The following BEST3 variants were observed in gnomAD, a reference collection of about 807,000 sequenced individuals.
The protein encoded by BEST3 is bestrophin-3.
Under a neutral mutation model 47.1 loss-of-function variants are expected in BEST3, and 50 were observed. The observed-to-expected ratio is 1.06, with a 90% CI of 0.85 to 1.34. The LOEUF is 1.34. Ranked by LOEUF, BEST3 falls within the 40% of genes most tolerant of loss-of-function variation. The pLI, the probability that BEST3 is intolerant of heterozygous loss-of-function variation, is 0.00. For synonymous variants in BEST3, 282 were observed against 298.8 expected (o/e 0.94, Z 0.58); for missense variants, 765 against 817.0 (o/e 0.94, Z 0.78).
At chr12:69,666,551 C>A (rs1884233431) in intron 9 of BEST3, among the ~76,000 whole-genome samples, 1 of 152,168 alleles carries the variant, frequency 6.6e-6, no homozygotes, top group Admixed American at 6.5e-5. Context: ...TACTCTGCAT[C>A]TATATTGACC....
At chr12:69,658,681 A>G (rs1333128903) in intron 9 of BEST3, among the ~76,000 whole-genome samples, 4 of 152,254 alleles carry the variant, frequency 2.6e-5, no homozygotes, top group Non-Finnish European at 5.9e-5. Context: ...CTAGGCTTTG[A>G]CACTGAGTGG....
At chr12:69,691,580 G>A (rs1397925976) in intron 4 of BEST3, among the ~76,000 whole-genome samples, 2 of 152,072 alleles carry the variant, frequency 1.3e-5, no homozygotes, top group Non-Finnish European at 2.9e-5. Context: ...GGATCACAAG[G>A]TCAAGAGATT....
intron 9 of BEST3, among the ~76,000 whole-genome samples, chr12:69,668,428 C>T (rs1469521671): frequency 6.6e-6 from 1 of 152,178 alleles, no homozygotes; most frequent in Non-Finnish European, 1.5e-5. Context: ...CACTCTCATG[C>T]AAAGAGCTCA....
At chr12:69,659,773 G>A (rs1022472011) in intron 9 of BEST3, among the ~76,000 whole-genome samples, 3 of 151,940 alleles carry the variant, frequency 2.0e-5, no homozygotes, top group African/African-American at 7.3e-5. Context: ...TCTAGGGTTA[G>A]TACAATCCTG....
At position 69,693,677 on chromosome 12, in the gene BEST3, C is replaced by T. The variant is rs1383831623; in HGVS notation, c.478G>A (p.Ala160Thr). 6.2e-7 allele frequency: 1 copy of T among 1,607,054 alleles called. No homozygotes were observed. The highest frequency in any genetic ancestry group is 1.3e-5 in the African/African-American group (1 of 74,806). ...RFPTMDHVVEAGFMTTDERKL... is the reference protein window; with the variant it reads ...RFPTMDHVVETGFMTTDERKL... Reference sequence around the variant, plus strand: ...AAGGAAAAGCCATTCATAGTACCTGCTTCAACCACGTGGTCCATTGTGGGA... The same window carrying T: ...AAGGAAAAGCCATTCATAGTACCTGTTTCAACCACGTGGTCCATTGTGGGA... The change falls in exon 4 of 10, where the codon GCA (alanine) becomes ACA (threonine). Residue 160 changes from alanine to threonine, a missense_variant. Transcript: ENST00000330891.
In BEST3 at chr12:69,694,412, A is replaced by T. The variant is rs1886057526; in HGVS notation, c.205T>A (p.Cys69Ser). The part of the protein sequence containing the change: ...KRYFEKLSIY[C>S]DRYAEQIPVT... ...GGAATTTGTTCAGCATATCTGTCAC[A>T]GTAAATTGATAATTTTTCAAAGTAA... is the stretch of plus-strand genomic sequence containing the variant. The change falls in exon 3 of 10, where the codon TGT becomes AGT. Residue 69 changes from cysteine (C) to serine (S), a missense_variant. Coordinates refer to ENST00000330891, the MANE Select transcript of BEST3 (RefSeq NM_032735.3). 6.2e-7 allele frequency: 1 copy of T among 1,610,100 alleles called. No individual in the cohort carries two copies. The highest frequency in any genetic ancestry group is 1.3e-5 in the African/African-American group (1 of 74,818).
At chr12:69,684,622 T>C (rs1163746342) in intron 4 of BEST3, 4 of 658,346 alleles carry the variant, frequency 6.1e-6, no homozygotes, top group Middle Eastern at 4.9e-4. Context: ...AAAGAGAGAG[T>C]TGTGTATTCA....
At chr12:69,664,097 T>A (rs535038607) in intron 9 of BEST3, among the ~76,000 whole-genome samples, 2 of 152,346 alleles carry the variant, frequency 1.3e-5, no homozygotes, top group East Asian at 3.9e-4. Flanking sequence ...TTTTGGGGAC[T>A]GCATTCAGAT....
intron 9 of BEST3, among the ~76,000 whole-genome samples, chr12:69,658,695 T>A (rs903207234): frequency 6.6e-6 from 1 of 152,106 alleles, no homozygotes; most frequent in Non-Finnish European, 1.5e-5. Context: ...TGAGTGGGAA[T>A]TGGATGGATA....
At position 69,678,755 on chromosome 12, in the gene BEST3, A is replaced by G; in HGVS notation, c.620T>C (p.Leu207Pro). 1 of 1,614,014 alleles carries G rather than the reference A, an allele frequency of 6.2e-7. No individual in the cohort carries two copies. Among genetic ancestry groups the G allele is most frequent in the Non-Finnish European group, 8.5e-7 (1 of 1,179,950 alleles). The stretch of plus-strand genomic sequence containing the variant: ...TATACTTACAGTCATCAATGATTGC[A>G]GATCAACACTGTCTCTGATTCTACC... ...NEGRIRDSVD[L>P]QSLMTEMNRY... Residue 207 changes from leucine (L) to proline (P), a missense_variant, in exon 5 of 10, where the codon CTG (leucine) becomes CCG (proline). Physicochemically the swap from Leu to Pro is moderately conservative, Grantham distance 98. Coordinates refer to ENST00000330891, the MANE Select transcript of BEST3 (RefSeq NM_032735.3).
downstream of BEST3, among the ~76,000 whole-genome samples, chr12:69,652,591 T>A (rs544756284): frequency 2.6e-5 from 4 of 152,184 alleles, no homozygotes; most frequent in East Asian, 7.7e-4. Context: ...ATTGAGGAAA[T>A]TAAAAAATTA....
chr12:69,653,356 C>T (rs1784305715), downstream of BEST3, among the ~76,000 whole-genome samples: 2 of 152,150 alleles, frequency 1.3e-5, no homozygotes, highest in African/African-American at 4.8e-5. Context: ...GAATGCTGGG[C>T]AAATTGCTGG....
chr12:69,696,289 G>A (rs1592380883), intron 2 of BEST3, among the ~76,000 whole-genome samples: 1 of 152,052 alleles, frequency 6.6e-6, no homozygotes, highest in East Asian at 1.9e-4. Flanking sequence ...AATGTTGTGG[G>A]GTATAAGTAT....
chr12:69,675,046 T>A (rs775499), intron 7 of BEST3, among the ~76,000 whole-genome samples: 1 of 151,540 alleles, frequency 6.6e-6, no homozygotes, highest in Non-Finnish European at 1.5e-5. Flanking sequence ...TACAGGCGTG[T>A]GCCACCACAC....
Position 69,654,143 on chromosome 12 carries a change from A to G in BEST3, c.*764T>C. 3 of 985,416 alleles carry G rather than the reference A, an allele frequency of 3.0e-6. No individual in the cohort carries two copies. The highest frequency in any genetic ancestry group is 2.3e-4 in the East Asian group (2 of 8,816). 61.0% of individuals were successfully genotyped at this position (985,416 alleles called of 1,614,324 possible). ...GATGATTCTGTAGGAGGCTTTGCCA[A>G]TGTCTTATATTTTGAAATTCATGGC... On this transcript the variant is annotated 3_prime_UTR_variant, in exon 10 of 10. Transcript: ENST00000330891.
intron 9 of BEST3, among the ~76,000 whole-genome samples, chr12:69,646,785 A>T (rs540625737): frequency 6.6e-6 from 1 of 152,156 alleles, no homozygotes; most frequent in South Asian, 2.1e-4. Context: ...TTCCATTTTT[A>T]TTTGGAAAAA....
At chr12:69,670,542 A>T in intron 9 of BEST3, 1 of 702,884 alleles carries the variant, frequency 1.4e-6, no homozygotes, top group South Asian at 1.5e-5. Flanking sequence ...GGATTAGGAG[A>T]CATTCGGCAA....
At chr12:69,698,239 CA>C (rs1276168199) in intron 1 of BEST3, among the ~76,000 whole-genome samples, 1 of 152,082 alleles carries the variant, frequency 6.6e-6, no homozygotes, top group African/African-American at 2.4e-5. Flanking sequence ...AAAAGTCAGC[CA>C]AAAAGTTGGG....
In BEST3 at chr12:69,655,060, T is replaced by G. The variant is rs753450314; in HGVS notation, c.1854A>C (p.Leu618Phe). The change falls in exon 10 of 10, where the codon TTA (leucine) becomes TTC (phenylalanine). Residue 618 changes from leucine (L) to phenylalanine (F), a missense_variant. By Grantham distance (22) the Leu-to-Phe change is conservative. Coordinates refer to ENST00000330891, the MANE Select transcript of BEST3 (RefSeq NM_032735.3). ...PDPMSSQPAL[L>F]IDTETSSEIS... ...TCTCTGAGGATGTTTCTGTGTCAAT[T>G]AAAAGAGCTGGCTGAGAGCTCATGG... 1.2e-6 allele frequency: 2 copies of G among 1,614,046 alleles called. No individual in the cohort carries two copies. The highest frequency in any genetic ancestry group is 2.7e-5 in the African/African-American group (2 of 74,936).
Sources: gnomAD v4.1 joint callset for allele counts (sites outside exome capture counted in the v4.1 genomes callset) on GRCh38, gnomAD v4.1.1 for gene constraint, MANE v1.5 for transcripts, NCBI Gene and HGNC (gene_info 2026-07-23, HGNC 2026-07-21) for gene names.